Variants in ZNF615 observed in about 807,000 individuals in gnomAD.
ZNF615 encodes the protein zinc finger protein 615.
In ZNF615, 15 loss-of-function variants were observed where a neutral mutation model predicts 15.3. That is an observed-to-expected ratio of 0.98 (90% CI 0.66 to 1.51). The LOEUF is 1.51. ZNF615 is among the 40% of genes most tolerant of loss of function. The probability of loss-of-function intolerance (pLI) is 0.00; values close to 1 mark genes in which losing one functional copy is unlikely to be tolerated. For missense variants in ZNF615, 848 were observed against 895.9 expected, an observed-to-expected ratio of 0.95 and a Z score of 0.68; for synonymous variants, 268 against 294.6, an observed-to-expected ratio of 0.91 and a Z score of 0.92.
chr19:52,003,152 A>C (rs1372554840), intron 3 of ZNF615, among the ~76,000 whole-genome samples: 1 of 151,742 alleles, frequency 6.6e-6, no homozygotes, highest in Non-Finnish European at 1.5e-5. Flanking sequence ...TGGAAAAAAA[A>C]ATCCTTAGAA....
intron 2 of ZNF615, among the ~76,000 whole-genome samples, chr19:52,006,963 T>C (rs1025847170): frequency 2.6e-5 from 4 of 152,068 alleles, no homozygotes; most frequent in Non-Finnish European, 5.9e-5. Context: ...AAAGTAATAG[T>C]CTAGATTGAA....
At position 51,991,694 on chromosome 19, in the gene ZNF615, C is replaced by G. The variant is rs2086237985; in HGVS notation, c.*1186G>C. ...TTTGCATTGATGCAACATTCTGAAT[C>G]TCGATTACGGTGGTGGTGACATGAA... On this transcript the variant is annotated 3_prime_UTR_variant, in exon 7 of 7. Coordinates refer to ENST00000598071, the MANE Select transcript of ZNF615 (RefSeq NM_001199324.2). 1.3e-5 allele frequency: 2 copies of G among 152,154 alleles called. No homozygotes were observed. The allele number at this position is 152,154 out of a possible 1,614,324, so 9.4% of individuals were successfully genotyped here. A position where few individuals can be genotyped will look rare whatever the true frequency, so the allele number is the denominator to read the frequency against.
chr19:51,999,440 C>A (rs1248716873), intron 6 of ZNF615, among the ~76,000 whole-genome samples: 1 of 152,204 alleles, frequency 6.6e-6, no homozygotes, highest in Non-Finnish European at 1.5e-5. Flanking sequence ...GGAGGACTCA[C>A]ACTTCCCAAT....
chr19:52,004,392 T>A (rs1329107193), intron 2 of ZNF615: 1 of 152,188 alleles, frequency 6.6e-6, no homozygotes. Context: ...TTTTTCTTTT[T>A]TTTTTGAGAC....
In ZNF615 at chr19:51,992,833, C is replaced by G; in HGVS notation, c.*47G>C. ...GCATTCATGAAATTACTCTTCTTTG[C>G]AGATATCTTAAGGGCCTACATCTGG... On this transcript the variant is annotated 3_prime_UTR_variant, in exon 7 of 7. Transcript: ENST00000598071. 6.3e-7 allele frequency: 1 copy of G among 1,584,016 alleles called. No homozygotes were observed.
Position 51,992,191 on chromosome 19 carries a change from T to C in ZNF615, c.*689A>G, listed in dbSNP as rs1198193296. 1 of 152,204 alleles carries C rather than the reference T, an allele frequency of 6.6e-6. No individual in the cohort carries two copies. Among genetic ancestry groups the C allele is most frequent in the Admixed American group, 6.5e-5 (1 of 15,280 alleles). The allele number at this position is 152,204 out of a possible 1,614,324, so 9.4% of individuals were successfully genotyped here. A position where few individuals can be genotyped will look rare whatever the true frequency, so the allele number is the denominator to read the frequency against. On this transcript the variant is annotated 3_prime_UTR_variant, in exon 7 of 7. Transcript: ENST00000598071. Reference sequence around the variant, plus strand: ...AGGCATAAAATACTCCGGTATTATATACAATATTAAATTTTAGTTCGTGAT... The same window carrying C: ...AGGCATAAAATACTCCGGTATTATACACAATATTAAATTTTAGTTCGTGAT...
At chr19:51,996,397 A>AAAAAAAAAAAAAAAAAAAAAAAAAAAAC (rs2086434605) in intron 6 of ZNF615, among the ~76,000 whole-genome samples, 1 of 150,050 alleles carries the variant, frequency 6.7e-6, no homozygotes, top group South Asian at 2.1e-4. Context: ...AAAAAAAAAA[A>AAAAAAAAAAAAAAAAAAAAAAAAAAAAC]AAAAAAAAAA....
chr19:51,999,792 T>C (rs2086539224), intron 6 of ZNF615, among the ~76,000 whole-genome samples: 2 of 152,192 alleles, frequency 1.3e-5, no homozygotes, highest in South Asian at 2.1e-4. Context: ...TAATATACGA[T>C]ATTAAAAGAT....
intron 6 of ZNF615, among the ~76,000 whole-genome samples, chr19:51,995,179 A>C (rs2123019938): frequency 6.6e-6 from 1 of 152,324 alleles, no homozygotes; most frequent in East Asian, 1.9e-4. Context: ...GAGATGTGTA[A>C]GATTCCTTTT....
chr19:51,999,426 A>T (rs554850599), intron 6 of ZNF615, among the ~76,000 whole-genome samples: 1 of 152,368 alleles, frequency 6.6e-6, no homozygotes, highest in Non-Finnish European at 1.5e-5. Flanking sequence ...CAAAGAACAA[A>T]GATGGAGGAC....
intron 5 of ZNF615, 39 bp downstream of exon 5, chr19:52,001,774 G>A (rs772414784): frequency 1.3e-6 from 2 of 1,564,526 alleles, no homozygotes; most frequent in Admixed American, 1.7e-5. Flanking sequence ...GCAGAACATG[G>A]TGTCTGTGGC....
Position 51,994,079 on chromosome 19 carries a change from T to C in ZNF615, c.1030A>G (p.Thr344Ala). The change falls in exon 7 of 7, where the codon ACA becomes GCA. Residue 344 changes from threonine to alanine, a missense_variant. Coordinates refer to ENST00000598071, the MANE Select transcript of ZNF615 (RefSeq NM_001199324.2). ...KAFSTKFSLTTHQKTHTGEKP... is the reference protein window; with the variant it reads ...KAFSTKFSLTAHQKTHTGEKP... ...TCTCCTGTATGAGTTTTCTGATGTGTAGTGAGACTGAACTTTGTAGAGAAG... is the reference window on the plus strand; with the variant it reads ...TCTCCTGTATGAGTTTTCTGATGTGCAGTGAGACTGAACTTTGTAGAGAAG... 1.9e-6 allele frequency: 3 copies of C among 1,614,094 alleles called. No homozygotes were observed. Among genetic ancestry groups the C allele is most frequent in the Non-Finnish European group, 2.5e-6 (3 of 1,180,012 alleles).
At chr19:51,996,387 A>AC (rs1283934086) in intron 6 of ZNF615, among the ~76,000 whole-genome samples, 1 of 144,104 alleles carries the variant, frequency 6.9e-6, no homozygotes, top group Non-Finnish European at 1.5e-5. Context: ...CTCTGTCTCA[A>AC]AAAAAAAAAA....
Position 52,001,849 on chromosome 19 carries a change from T to C in ZNF615, c.202A>G (p.Thr68Ala), listed in dbSNP as rs758846480. Residue 68 changes from threonine (T) to alanine (A), a missense_variant, in exon 5 of 7, where the codon ACA (threonine) becomes GCA (alanine). Coordinates refer to ENST00000598071, the MANE Select transcript of ZNF615 (RefSeq NM_001199324.2). ...CGAGAGTAGATTTCATCTTCTGTTGTGCAAGTTTCTTCTCCTCGTTCCAAT... is the reference window on the plus strand; with the variant it reads ...CGAGAGTAGATTTCATCTTCTGTTGCGCAAGTTTCTTCTCCTCGTTCCAAT... ...SKLERGEETCTTEDEIYSRIC... is the reference protein window; with the variant it reads ...SKLERGEETCATEDEIYSRIC... 2.5e-6 allele frequency: 4 copies of C among 1,614,174 alleles called. No individual in the cohort carries two copies. The South Asian group carries it at 3.3e-5, about 13-fold the overall frequency.
At chr19:52,003,490 C>T (rs949438772) in intron 3 of ZNF615, among the ~76,000 whole-genome samples, 1 of 152,162 alleles carries the variant, frequency 6.6e-6, no homozygotes, top group African/African-American at 2.4e-5. Context: ...CAAATGTAAC[C>T]TACGGGGTCC....
intron 1 of ZNF615, 104 bp from the exon 2 acceptor site, chr19:52,007,434 T>C: frequency 5.1e-6 from 3 of 584,688 alleles, no homozygotes; most frequent in South Asian, 1.9e-5. Context: ...GCTAGATGAC[T>C]GATCTCGCCA....
chr19:51,992,858 G>T lies in ZNF615; in HGVS notation c.*22C>A. On this transcript the variant is annotated 3_prime_UTR_variant, in exon 7 of 7. Coordinates refer to ENST00000598071, the MANE Select transcript of ZNF615 (RefSeq NM_001199324.2). ...CAGATATCTTAAGGGCCTACATCTGGCAAGAGGCTTTCCCAAAATGACTAC... is the reference window on the plus strand; with the variant it reads ...CAGATATCTTAAGGGCCTACATCTGTCAAGAGGCTTTCCCAAAATGACTAC... The T allele has an allele frequency of 6.2e-7, 1 of 1,610,904 alleles. No individual in the cohort carries two copies. Among genetic ancestry groups the T allele is most frequent in the Non-Finnish European group, 8.5e-7 (1 of 1,177,590 alleles).
chr19:51,993,576 A>C lies in ZNF615; in HGVS notation c.1533T>G (p.Ile511Met), dbSNP rs777761418. ...CTCCAGTATGAGTTCGCTGATGCACAATAAGGCGGCTCTTCACAGTGAAGC... is the reference window on the plus strand; with the variant it reads ...CTCCAGTATGAGTTCGCTGATGCACCATAAGGCGGCTCTTCACAGTGAAGC... ...GKGFTVKSRL[I>M]VHQRTHTGEK... The change falls in exon 7 of 7, where the codon ATT (isoleucine) becomes ATG (methionine). Residue 511 changes from isoleucine to methionine, a missense_variant. Physicochemically the swap from Ile to Met is conservative, Grantham distance 10. Coordinates refer to ENST00000598071, the MANE Select transcript of ZNF615 (RefSeq NM_001199324.2). 1.7e-5 allele frequency: 28 copies of C among 1,613,748 alleles called. No individual in the cohort carries two copies. The highest frequency in any genetic ancestry group is 8.5e-6 in the Non-Finnish European group (10 of 1,179,968).
intron 5 of ZNF615, among the ~76,000 whole-genome samples, chr19:52,000,763 G>A (rs2086567230): frequency 6.6e-6 from 1 of 152,034 alleles, no homozygotes; most frequent in East Asian, 1.9e-4. Context: ...GACCAGCCTA[G>A]GCAACATGAC....
Sources: gnomAD v4.1 joint callset for allele counts (sites outside exome capture counted in the v4.1 genomes callset) on GRCh38, gnomAD v4.1.1 for gene constraint, MANE v1.5 for transcripts, NCBI Gene and HGNC (gene_info 2026-07-23, HGNC 2026-07-21) for gene names.